Variants in CSE1L observed in about 807,000 individuals in gnomAD.
CSE1L encodes exportin-2.
A neutral mutation model predicts 120.4 loss-of-function variants in CSE1L; 24 were observed. The observed-to-expected ratio is 0.20, with a 90% confidence interval of 0.14 to 0.28. CSE1L has a LOEUF of 0.28. CSE1L is among the 10% of genes least tolerant of loss of function. CSE1L has a pLI of 1.00. For synonymous variants in CSE1L, 402 were observed against 398.3 expected, an observed-to-expected ratio of 1.01 and a Z score of -0.11; for missense variants, 830 against 1,145.2, an observed-to-expected ratio of 0.72 and a Z score of 3.97.
At chr20:49,048,271 T>C (rs2091737841) in intron 1 of CSE1L, among the ~76,000 whole-genome samples, 1 of 152,090 alleles carries the variant, frequency 6.6e-6, no homozygotes, top group Non-Finnish European at 1.5e-5. Flanking sequence ...CCCTTCTGAT[T>C]ACTTCTGCTG....
intron 1 of CSE1L, among the ~76,000 whole-genome samples, chr20:49,057,818 G>A (rs1177986149): frequency 1.3e-5 from 2 of 152,236 alleles, no homozygotes; most frequent in Middle Eastern, 3.4e-3. Context: ...TTTTAGTAGA[G>A]ACGGGATTTT....
chr20:49,070,055 T>A (rs1353436332), intron 7 of CSE1L, 150 bp from the exon 8 acceptor site: 1 of 490,198 alleles, frequency 2.0e-6, no homozygotes, highest in East Asian at 3.6e-5. Flanking sequence ...CTGCCAGATG[T>A]AGCTGGAGCA....
intron 1 of CSE1L, among the ~76,000 whole-genome samples, chr20:49,053,548 A>G (rs1400746220): frequency 1.3e-5 from 2 of 151,382 alleles, no homozygotes; most frequent in Admixed American, 1.3e-4. Context: ...ACGGGGTTTC[A>G]CCATGTTGGC....
intron 22 of CSE1L, among the ~76,000 whole-genome samples, chr20:49,092,552 T>A (rs1898152562): frequency 6.6e-6 from 1 of 151,408 alleles, no homozygotes; most frequent in African/African-American, 2.4e-5. Flanking sequence ...TTATTAAAAC[T>A]AACAGCAGAA....
rs773304297 is a variant in CSE1L, at chr20:49,070,211, C to T, written c.682C>T (p.Pro228Ser). The change falls in exon 8 of 25, where the codon CCT (proline) becomes TCT (serine). Residue 228 changes from proline (P) to serine (S), a missense_variant. Transcript: ENST00000262982. The part of the protein sequence containing the change: ...LFYSLNFQDL[P>S]EFFEDNMETW... ...GTCAGTGTTTATTCTGTAGGATCTC[C>T]CTGAATTTTTTGAAGATAATATGGA... 7.1e-7 allele frequency: 1 copy of T among 1,410,866 alleles called. No homozygotes were observed. 87.4% of individuals were successfully genotyped at this position (1,410,866 alleles called of 1,614,324 possible).
intron 16 of CSE1L, among the ~76,000 whole-genome samples, chr20:49,086,580 G>A (rs1371734582): frequency 2.6e-5 from 4 of 151,888 alleles, no homozygotes; most frequent in Non-Finnish European, 5.9e-5. Context: ...GGTCAGGCTG[G>A]TCTTGAACTC....
rs1477724448 is a variant in CSE1L, at chr20:49,059,110, G to A, written c.85+562G>A. Among the ~76,000 whole-genome samples the A allele has an allele frequency of 1.1e-4, 16 of 148,122 alleles. No homozygotes were observed. In the East Asian group the frequency reaches 1.6e-3, roughly 15 times the overall value. Reference sequence around the variant, plus strand: ...TGCGCCACTGCACTCCAGCCTGGGCGACAGAGCAAGACTCCGTCTCAAAAA... The same window carrying A: ...TGCGCCACTGCACTCCAGCCTGGGCAACAGAGCAAGACTCCGTCTCAAAAA... On this transcript the variant is annotated intron_variant, in intron 2 of 24. Coordinates refer to ENST00000262982, the MANE Select transcript of CSE1L (RefSeq NM_001316.4).
At chr20:49,052,479 T>C (rs1392281981) in intron 1 of CSE1L, among the ~76,000 whole-genome samples, 5 of 152,312 alleles carry the variant, frequency 3.3e-5, no homozygotes, top group South Asian at 2.1e-4. Context: ...AGCATTATTA[T>C]GGTCAGGGAG....
intron 24 of CSE1L, chr20:49,096,056 A>G (rs550718295): frequency 1.9e-6 from 1 of 527,866 alleles, no homozygotes; most frequent in African/African-American, 1.9e-5. Flanking sequence ...AGTCTTAGAC[A>G]TCATACGTTT....
At chr20:49,079,220 T>A (rs967009945) in intron 14 of CSE1L, among the ~76,000 whole-genome samples, 7 of 150,390 alleles carry the variant, frequency 4.7e-5, no homozygotes, top group Admixed American at 6.6e-5. Context: ...TTTATTTATT[T>A]AAAAAAAATT....
At chr20:49,090,105 A>T (rs1202076415) in intron 19 of CSE1L, among the ~76,000 whole-genome samples, 1 of 152,136 alleles carries the variant, frequency 6.6e-6, no homozygotes, top group Non-Finnish European at 1.5e-5. Context: ...ATCCTGGGCA[A>T]CAGAGCTAGA....
At chr20:49,092,311 T>C (rs2092107742) in intron 22 of CSE1L, among the ~76,000 whole-genome samples, 184 bp downstream of exon 22, 1 of 152,056 alleles carries the variant, frequency 6.6e-6, no homozygotes, top group Non-Finnish European at 1.5e-5. Flanking sequence ...GCATGGTGGC[T>C]CACGCCCGTA....
intron 1 of CSE1L, among the ~76,000 whole-genome samples, chr20:49,049,935 G>A (rs150458016): frequency 3.9e-5 from 6 of 152,286 alleles, no homozygotes; most frequent in Non-Finnish European, 7.4e-5. Flanking sequence ...GTTGAAGTAG[G>A]AGGATGGCTT....
chr20:49,050,451 A>G (rs1043012892), intron 1 of CSE1L, among the ~76,000 whole-genome samples: 7 of 129,096 alleles, frequency 5.4e-5, no homozygotes, highest in Non-Finnish European at 1.1e-4. Context: ...GGCTAGAGCT[A>G]GAGTGCAATG....
At chr20:49,065,580 A>G (rs4810911) in intron 3 of CSE1L, among the ~76,000 whole-genome samples, 29,405 of 129,476 alleles carry the variant, frequency 0.23, 4,114 homozygotes, top group East Asian at 0.46. Context: ...CTGGCCTAAA[A>G]TGGAAATTTT....
chr20:49,076,664 G>C (rs1485710352), intron 12 of CSE1L, among the ~76,000 whole-genome samples: 3 of 151,302 alleles, frequency 2.0e-5, no homozygotes, highest in African/African-American at 7.3e-5. Flanking sequence ...CGAGTAGCTA[G>C]AATTACAGGT....
chr20:49,071,191 G>A (rs750588294), intron 8 of CSE1L, among the ~76,000 whole-genome samples: 2 of 152,066 alleles, frequency 1.3e-5, no homozygotes, highest in Non-Finnish European at 2.9e-5. Flanking sequence ...TTAAGAGTGG[G>A]GTACAGAAAG....
At chr20:49,072,228 TCTTA>T (rs1213749747) in intron 8 of CSE1L, 54 bp from the exon 9 acceptor site, 6 of 1,567,930 alleles carry the variant, frequency 3.8e-6, no homozygotes, top group South Asian at 1.2e-5. Context: ...CAGTTACTCC[TCTTA>T]CTTATGTTAG....
chr20:49,074,176 A>AGTGTGTGTGTGTGTGTGT (rs71184254), intron 10 of CSE1L, among the ~76,000 whole-genome samples: 22 of 115,456 alleles, frequency 1.9e-4, no homozygotes, highest in Admixed American at 1.2e-3. Flanking sequence ...ATACAACTGC[A>AGTGTGTGTGTGTGTGTGT]GTGTGTGTGT....
Sources: allele counts gnomAD v4.1 joint callset (sites outside exome capture counted in the v4.1 genomes callset), GRCh38; gene constraint gnomAD v4.1.1; transcripts MANE v1.5; gene names NCBI Gene and HGNC (gene_info 2026-07-23, HGNC 2026-07-21).